Variants in FHIP1A observed in about 807,000 individuals in gnomAD.
The protein encoded by FHIP1A is FHF complex subunit HOOK interacting protein 1A, also known as FHF complex subunit HOOK-interacting protein 1A.
Under a neutral mutation model 88.6 loss-of-function variants are expected in FHIP1A, and 61 were observed. The observed-to-expected ratio is 0.69, with a 90% CI of 0.56 to 0.85. The LOEUF (loss-of-function observed/expected upper bound fraction) is 0.85, where lower values mean the gene tolerates loss of function less well. FHIP1A is among the 40% of genes least tolerant of loss of function. FHIP1A has a pLI of 0.00. For missense variants in FHIP1A, 1,154 were observed against 1,273.5 expected, an observed-to-expected ratio of 0.91 and a Z score of 1.43; for synonymous variants, 478 against 496.0, an observed-to-expected ratio of 0.96 and a Z score of 0.48.
rs970596239 is a variant in FHIP1A, at chr4:151,588,878, C to T, written c.930C>T (p.Tyr310=). The part of the protein sequence containing the change: ...HPLIRNQLVN[Y]IYNGFLVPVL... Reference sequence around the variant, plus strand: ...TGATTCGAAATCAGCTTGTCAATTACATTTACAATGGATTTTTGGTACCAG... The same window carrying T: ...TGATTCGAAATCAGCTTGTCAATTATATTTACAATGGATTTTTGGTACCAG... Residue 310 remains tyrosine, a synonymous_variant, in exon 7 of 14, where the codon TAC becomes TAT. Coordinates refer to ENST00000435205, the MANE Select transcript of FHIP1A (RefSeq NM_001109977.3). The T allele has an allele frequency of 4.5e-6, 7 of 1,551,250 alleles. No homozygotes were observed. The highest frequency in any genetic ancestry group is 1.2e-5 in the South Asian group (1 of 84,054).
At chr4:151,496,153 G>C (rs1485303218) in intron 3 of FHIP1A, among the ~76,000 whole-genome samples, 2 of 151,384 alleles carry the variant, frequency 1.3e-5, no homozygotes, top group African/African-American at 4.8e-5. Context: ...TCCTGCATTT[G>C]TTTAGAGATA....
At chr4:151,610,615 C>T (rs946895845) in intron 7 of FHIP1A, among the ~76,000 whole-genome samples, 1 of 152,202 alleles carries the variant, frequency 6.6e-6, no homozygotes, top group Non-Finnish European at 1.5e-5. Flanking sequence ...TTGCTATACC[C>T]TGAGTGTGAT....
In FHIP1A at chr4:151,656,842, A is replaced by G. The variant is rs1737261335; in HGVS notation, c.2813A>G (p.Gln938Arg). The stretch of plus-strand genomic sequence containing the variant: ...CCAGGGCTCCTCATTCAAGCTCAGC[A>G]GTACCTGCTCTTCCGTGTGGACATG... ...DFPGLLIQAQ[Q>R]YLLFRVDMSD... Residue 938 changes from glutamine (Q) to arginine (R), a missense_variant, in exon 13 of 14, where the codon CAG (glutamine) becomes CGG (arginine). Coordinates refer to ENST00000435205, the MANE Select transcript of FHIP1A (RefSeq NM_001109977.3). The surrounding 1 kb of genome is among the most constrained non-coding windows in gnomAD (Gnocchi z 4.2). 3.2e-6 allele frequency: 5 copies of G among 1,551,660 alleles called. No individual in the cohort carries two copies. The highest frequency in any genetic ancestry group is 2.0e-5 in the Admixed American group (1 of 51,004).
At chr4:151,442,997 G>A (rs2126563482) in intron 1 of FHIP1A, among the ~76,000 whole-genome samples, 1 of 152,248 alleles carries the variant, frequency 6.6e-6, no homozygotes, top group Non-Finnish European at 1.5e-5. Flanking sequence ...TGCAGTGCAT[G>A]GCTATAGCGC....
chr4:151,588,773 T>C (rs1383394131), intron 6 of FHIP1A, 67 bp from the exon 7 acceptor site: 1 of 1,002,288 alleles, frequency 1.0e-6, no homozygotes, highest in African/African-American at 1.6e-5. Context: ...GTACACAGAA[T>C]TGTTTTATTT....
intron 7 of FHIP1A, among the ~76,000 whole-genome samples, chr4:151,628,538 A>G (rs897807664): frequency 6.6e-6 from 1 of 152,216 alleles, no homozygotes; most frequent in Non-Finnish European, 1.5e-5. Context: ...TATAAAAGGA[A>G]TGGCCCAGTA....
At chr4:151,460,318 G>A (rs924556963) in intron 2 of FHIP1A, among the ~76,000 whole-genome samples, 9 of 152,084 alleles carry the variant, frequency 5.9e-5, no homozygotes, top group Non-Finnish European at 1.3e-4. Flanking sequence ...ACAAAAAAAT[G>A]AATGAAGTGT....
chr4:151,422,228 T>C (rs1733199812), intron 1 of FHIP1A, among the ~76,000 whole-genome samples: 1 of 150,640 alleles, frequency 6.6e-6, no homozygotes, highest in South Asian at 2.1e-4. Flanking sequence ...TAAAAAAATA[T>C]ATATATATAT....
At chr4:151,537,186 T>C (rs890671599) in intron 3 of FHIP1A, among the ~76,000 whole-genome samples, 1 of 152,064 alleles carries the variant, frequency 6.6e-6, no homozygotes, top group Non-Finnish European at 1.5e-5. Context: ...CCATGTTTAG[T>C]TAAGAAACTG....
At chr4:151,605,294 A>G (rs1735029554) in intron 7 of FHIP1A, among the ~76,000 whole-genome samples, 1 of 152,206 alleles carries the variant, frequency 6.6e-6, no homozygotes. Flanking sequence ...TTACCAAATT[A>G]TGGCAAAAGT....
chr4:151,421,592 A>G (rs1733167429), intron 1 of FHIP1A, among the ~76,000 whole-genome samples: 1 of 152,202 alleles, frequency 6.6e-6, no homozygotes, highest in South Asian at 2.1e-4. Flanking sequence ...ATCCCAATAC[A>G]TAGACCAGTG....
chr4:151,433,637 T>A (rs1194055445), intron 1 of FHIP1A, among the ~76,000 whole-genome samples: 1 of 152,094 alleles, frequency 6.6e-6, no homozygotes, highest in Admixed American at 6.6e-5. Context: ...GAGTGGAGGC[T>A]GTGAGATAGA....
chr4:151,615,715 T>G (rs1735494050), intron 7 of FHIP1A, among the ~76,000 whole-genome samples: 1 of 152,216 alleles, frequency 6.6e-6, no homozygotes, highest in Admixed American at 6.5e-5. Flanking sequence ...TTTCACTGAT[T>G]ACTCATTTTG....
At chr4:151,544,222 A>G (rs1265087535) in intron 3 of FHIP1A, among the ~76,000 whole-genome samples, 1 of 152,240 alleles carries the variant, frequency 6.6e-6, no homozygotes, top group East Asian at 1.9e-4. Context: ...GTAACTGTCC[A>G]AGTTCGTATA....
chr4:151,428,090 C>T (rs1262394676), intron 1 of FHIP1A, among the ~76,000 whole-genome samples: 2 of 152,020 alleles, frequency 1.3e-5, no homozygotes, highest in East Asian at 3.9e-4. Flanking sequence ...ATAGTATATG[C>T]TTTTGTGCAA....
At chr4:151,514,150 C>A (rs1229489877) in intron 3 of FHIP1A, among the ~76,000 whole-genome samples, 1 of 152,330 alleles carries the variant, frequency 6.6e-6, no homozygotes, top group South Asian at 2.1e-4. Context: ...TTAAGAAACT[C>A]ACTCAAAACC....
chr4:151,553,655 T>C (rs1459312055), intron 3 of FHIP1A, among the ~76,000 whole-genome samples: 1 of 152,212 alleles, frequency 6.6e-6, no homozygotes, highest in Non-Finnish European at 1.5e-5. Context: ...ATGCGAAGTT[T>C]CTAGACTGTT....
chr4:151,526,640 G>A (rs1362054102), intron 3 of FHIP1A, among the ~76,000 whole-genome samples: 25 of 146,834 alleles, frequency 1.7e-4, no homozygotes, highest in African/African-American at 6.0e-4. Flanking sequence ...CTCCCGGACG[G>A]GGCGGCTGGC....
intron 3 of FHIP1A, among the ~76,000 whole-genome samples, chr4:151,551,549 TCTTTGACAAAC>T (rs145372795): frequency 0.32 from 48,824 of 151,598 alleles, 7,788 homozygotes; most frequent in Non-Finnish European, 0.34. Context: ...AACCATCTGA[TCTTTGACAAAC>T]CTGACAAAAG....
Sources: gnomAD v4.1 joint callset for allele counts (sites outside exome capture counted in the v4.1 genomes callset) on GRCh38, gnomAD v4.1.1 for gene constraint, Gnocchi (gnomAD v3.1) non-coding constraint, MANE v1.5 for transcripts, NCBI Gene and HGNC (gene_info 2026-07-23, HGNC 2026-07-21) for gene names.